Variants in KLHL29 observed in about 807,000 individuals in gnomAD.
KLHL29 encodes kelch like family member 29.
In KLHL29, 21 loss-of-function variants were observed where a neutral mutation model predicts 80.4. The observed-to-expected ratio is 0.26, with a 90% CI of 0.19 to 0.38. The LOEUF (loss-of-function observed/expected upper bound fraction) is 0.38. KLHL29 is among the 10% of genes least tolerant of loss of function. KLHL29 has a pLI of 1.00. For missense variants in KLHL29, 867 were observed against 1,223.9 expected, an observed-to-expected ratio of 0.71 and a Z score of 4.35; for synonymous variants, 511 against 526.8, an observed-to-expected ratio of 0.97 and a Z score of 0.41.
chr2:23,621,072 G>A (rs375024971), intron 3 of KLHL29, among the ~76,000 whole-genome samples: 7 of 152,360 alleles, frequency 4.6e-5, no homozygotes, highest in South Asian at 2.1e-4. Context: ...ATCCTTGGCC[G>A]GGGGACTGCA....
rs1158082050 is a variant in KLHL29, at chr2:23,695,984, G to A, written c.1775G>A (p.Arg592His). 1.2e-5 allele frequency: 18 copies of A among 1,551,476 alleles called. No individual in the cohort carries two copies. Among genetic ancestry groups the A allele is most frequent in the South Asian group, 1.2e-5 (1 of 84,066 alleles). Residue 592 changes from arginine (R) to histidine (H), a missense_variant, in exon 10 of 14, where the codon CGT (arginine) becomes CAT (histidine). Arg to His is a conservative substitution (Grantham distance 29). Around this residue, in one of 2 missense-constraint regions of KLHL29, gnomAD observed 443 missense variants for 767.0 expected, o/e 0.58. Transcript: ENST00000486442. This position sits in a 1 kb window ranked among gnomAD's most constrained non-coding sequence, Gnocchi z 7.6. ...GAGGTCATCGTCTTGGTTGGGGGCC[G>A]TCAGATGGTGGGGATGACCCAGCGC... ...VAEVIVLVGG[R>H]QMVGMTQRSL...
intron 5 of KLHL29, among the ~76,000 whole-genome samples, chr2:23,673,302 C>T (rs528466131): frequency 1.4e-5 from 2 of 146,606 alleles, no homozygotes; most frequent in African/African-American, 5.0e-5. Context: ...TGCTCACATG[C>T]ACTGTACACA....
chr2:23,461,759 A>C (rs1664216008), intron 1 of KLHL29, among the ~76,000 whole-genome samples: 1 of 151,892 alleles, frequency 6.6e-6, no homozygotes, highest in African/African-American at 2.4e-5. Context: ...ACTTTGCCTA[A>C]TAAAATTTAA....
chr2:23,391,829 A>C (rs971499309), intron 1 of KLHL29, among the ~76,000 whole-genome samples: 9 of 152,242 alleles, frequency 5.9e-5, no homozygotes, highest in African/African-American at 2.2e-4. Context: ...TGTCCAATAA[A>C]GAATGCAGTA....
intron 1 of KLHL29, among the ~76,000 whole-genome samples, chr2:23,420,298 T>C (rs1053584070): frequency 2.6e-5 from 4 of 152,214 alleles, no homozygotes; most frequent in African/African-American, 9.6e-5. Context: ...CCTTCCTTGC[T>C]GCGTCCACAC....
At chr2:23,607,375 G>A (rs2103527528) in intron 3 of KLHL29, among the ~76,000 whole-genome samples, 1 of 152,330 alleles carries the variant, frequency 6.6e-6, no homozygotes, top group Middle Eastern at 3.4e-3. Context: ...GCCCCAAGCT[G>A]GGAATGCCAA....
chr2:23,654,160 C>T (rs1420253482), intron 5 of KLHL29, among the ~76,000 whole-genome samples: 1 of 151,510 alleles, frequency 6.6e-6, no homozygotes, highest in Non-Finnish European at 1.5e-5. Context: ...GAGTGAGACT[C>T]TGTCTCAAAA....
rs181568993 is a variant in KLHL29 at position 23,557,734 on chromosome 2, C to T, written c.-45-4418C>T. On this transcript the variant is annotated intron_variant, in intron 2 of 13. Transcript: ENST00000486442. ...GTCTCAGAGGGGCCGGGTTGCTGGCCGCCCTCAGTGCGTACCCTCCTCACC... is the reference window on the plus strand; with the variant it reads ...GTCTCAGAGGGGCCGGGTTGCTGGCTGCCCTCAGTGCGTACCCTCCTCACC... Among the ~76,000 whole-genome samples the T allele has an allele frequency of 4.1e-3, 629 of 152,218 alleles. 9 individuals are homozygous for T. Among genetic ancestry groups the T allele is most frequent in the African/African-American group, 0.015 (607 of 41,532 alleles).
intron 3 of KLHL29, among the ~76,000 whole-genome samples, chr2:23,628,069 C>T (rs1157737084): frequency 6.6e-6 from 1 of 151,988 alleles, no homozygotes; most frequent in African/African-American, 2.4e-5. Flanking sequence ...CCTGCCACTG[C>T]ACCCAGCTAA....
In KLHL29 at chr2:23,629,195, G is replaced by A. The variant is rs976089254; in HGVS notation, c.286-9944G>A. On this transcript the variant is annotated intron_variant, in intron 3 of 13. Coordinates refer to ENST00000486442, the MANE Select transcript of KLHL29 (RefSeq NM_052920.2). Reference sequence around the variant, plus strand: ...CCGCTCTGTGAGAGGTGCCCCTCGCGCTCCTCCACGTCCCTGTCTGTCCGT... The same window carrying A: ...CCGCTCTGTGAGAGGTGCCCCTCGCACTCCTCCACGTCCCTGTCTGTCCGT... Among the ~76,000 whole-genome samples the A allele has an allele frequency of 3.3e-5, 5 of 152,070 alleles. No homozygotes were observed. The South Asian group carries it at 6.2e-4, about 19-fold the overall frequency.
intron 1 of KLHL29, among the ~76,000 whole-genome samples, chr2:23,425,538 G>T (rs761742471): frequency 1.3e-5 from 2 of 152,192 alleles, no homozygotes; most frequent in African/African-American, 4.8e-5. Context: ...TTCAAAGAAC[G>T]CAACGCTGGG....
At position 23,562,656 on chromosome 2, in the gene KLHL29, G is replaced by C. The variant is rs911054228; in HGVS notation, c.285+175G>C. Among the ~76,000 whole-genome samples the C allele has an allele frequency of 6.6e-6, 1 of 152,200 alleles. No homozygotes were observed. The highest frequency in any genetic ancestry group is 1.5e-5 in the Non-Finnish European group (1 of 68,034). On this transcript the variant is annotated intron_variant, in intron 3 of 13. Transcript: ENST00000486442. The surrounding 1 kb of genome is among the most constrained non-coding windows in gnomAD (Gnocchi z 4.5). Reference sequence around the variant, plus strand: ...GAAACTGTTTGCGAGCATTCATGCGGGTTTTATTATCCATGAAGTCTTTCT... The same window carrying C: ...GAAACTGTTTGCGAGCATTCATGCGCGTTTTATTATCCATGAAGTCTTTCT...
chr2:23,592,116 G>A (rs996602731), intron 3 of KLHL29, among the ~76,000 whole-genome samples: 1 of 152,264 alleles, frequency 6.6e-6, no homozygotes, highest in East Asian at 1.9e-4. Flanking sequence ...ACTCACTGCT[G>A]TGGAAATTAG....
intron 5 of KLHL29, among the ~76,000 whole-genome samples, chr2:23,662,518 G>A (rs11884397): frequency 0.1 from 15,552 of 152,178 alleles, 924 homozygotes; most frequent in East Asian, 0.16. Context: ...GCTCTCTGGC[G>A]GTTGAGTTCA....
intron 3 of KLHL29, among the ~76,000 whole-genome samples, chr2:23,614,457 A>G (rs2103532155): frequency 6.6e-6 from 1 of 152,372 alleles, no homozygotes; most frequent in East Asian, 1.9e-4. Flanking sequence ...ATGAATTCAC[A>G]GTCACAGTAG....
In KLHL29 at chr2:23,681,837, G is replaced by A. The variant is rs1671090829; in HGVS notation, c.941-2562G>A. ...TCGTGGTTTGGGCATTAATTCGGCT[G>A]GTGACTCTTTCTGGAGATACGTGTG... is the stretch of plus-strand genomic sequence containing the variant. On this transcript the variant is annotated intron_variant, in intron 5 of 13. Coordinates refer to ENST00000486442, the MANE Select transcript of KLHL29 (RefSeq NM_052920.2). This position sits in a 1 kb window ranked among gnomAD's most constrained non-coding sequence, Gnocchi z 4.2. Among the ~76,000 whole-genome samples, 1 of 152,204 alleles carries A rather than the reference G, an allele frequency of 6.6e-6. No homozygotes were observed. The highest frequency in any genetic ancestry group is 2.4e-5 in the African/African-American group (1 of 41,446).
chr2:23,483,559 C>A (rs1258285422), intron 2 of KLHL29, among the ~76,000 whole-genome samples: 5 of 152,332 alleles, frequency 3.3e-5, no homozygotes, highest in Middle Eastern at 3.4e-3. Context: ...CTTGGCAACT[C>A]CCACTCCAAC....
At position 23,706,899 on chromosome 2, in the gene KLHL29, C is replaced by A; in HGVS notation, c.*235C>A. On this transcript the variant is annotated 3_prime_UTR_variant, in exon 14 of 14. Transcript: ENST00000486442. ...AACCACGATCCCGCCATGGGGCTGG[C>A]TGCCTCCTGAACAGGGGCGCTCGCT... 1 of 457,336 alleles carries A rather than the reference C, an allele frequency of 2.2e-6. No homozygotes were observed. Among genetic ancestry groups the A allele is most frequent in the Non-Finnish European group, 3.8e-6 (1 of 260,640 alleles). 28.3% of individuals were successfully genotyped at this position (457,336 alleles called of 1,614,324 possible). A position where few individuals can be genotyped will look rare whatever the true frequency, so the allele number is the denominator to read the frequency against.
chr2:23,545,016 C>G lies in KLHL29; in HGVS notation c.-45-17136C>G, dbSNP rs60988368. 2.0e-3 allele frequency among the ~76,000 whole-genome samples: 312 copies of G among 152,222 alleles called. 2 individuals carry two copies. Among genetic ancestry groups the G allele is most frequent in the African/African-American group, 7.3e-3 (302 of 41,530 alleles). ...CTCTGGCTGCTGGGTGGAGAATACT[C>G]TGAATGAGGGTGAGGAAGGAAGGAA... On this transcript the variant is annotated intron_variant, in intron 2 of 13. Coordinates refer to ENST00000486442, the MANE Select transcript of KLHL29 (RefSeq NM_052920.2).
Sources: allele counts gnomAD v4.1 joint callset (sites outside exome capture counted in the v4.1 genomes callset), GRCh38; gene constraint gnomAD v4.1.1; regional missense constraint gnomAD v4.1.1; non-coding constraint Gnocchi (gnomAD v3.1); transcripts MANE v1.5; gene names NCBI Gene and HGNC (gene_info 2026-07-23, HGNC 2026-07-21).